The following HM13 variants were observed in gnomAD, a reference collection of about 807,000 sequenced individuals.
The protein encoded by HM13 is signal peptide peptidase.
Under a neutral mutation model 50.0 loss-of-function variants are expected in HM13, and 18 were observed. The ratio of observed to expected loss-of-function variants is 0.36; its 90% CI spans 0.25 to 0.53. The LOEUF is 0.53. Ranked by LOEUF, HM13 falls within the 20% of genes least tolerant of loss-of-function variation. The pLI, the probability that HM13 is intolerant of heterozygous loss-of-function variation, is 0.90. For missense variants in HM13, 393 were observed against 552.4 expected, an observed-to-expected ratio of 0.71 and a Z score of 2.89; for synonymous variants, 197 against 232.6, an observed-to-expected ratio of 0.85 and a Z score of 1.39.
intron 1 of HM13, among the ~76,000 whole-genome samples, chr20:31,523,049 G>A (rs1340395225): frequency 6.7e-6 from 1 of 149,176 alleles, no homozygotes; most frequent in Non-Finnish European, 1.5e-5. Flanking sequence ...TTTTTGGGAG[G>A]GGGGCTTTTT....
In HM13 at chr20:31,527,642, T is replaced by G; in HGVS notation, c.282+60T>G. The G allele has an allele frequency of 1.6e-6, 2 of 1,215,218 alleles. 1 individual carries two copies. The highest frequency in any genetic ancestry group is 2.5e-5 in the South Asian group (2 of 78,620). The allele number at this position is 1,215,218 out of a possible 1,614,324, so 75.3% of individuals were successfully genotyped here. A position where few individuals can be genotyped will look rare whatever the true frequency, so the allele number is the denominator to read the frequency against. On this transcript the variant is annotated intron_variant, in intron 2 of 12. Transcript: ENST00000398174. ...TAAATGACTTTATCTTATTTTGTTT[T>G]ATTTTTCCCATCACAAGAACCATGC...
At chr20:31,521,462 A>G (rs1982153184) in intron 1 of HM13, among the ~76,000 whole-genome samples, 1 of 152,184 alleles carries the variant, frequency 6.6e-6, no homozygotes, top group Non-Finnish European at 1.5e-5. Flanking sequence ...GTGATGGCTC[A>G]CGCCTGTAAT....
At chr20:31,548,443 CT>C in intron 4 of HM13, 1 of 183,396 alleles carries the variant, frequency 5.5e-6, no homozygotes, top group Admixed American at 5.5e-5. Flanking sequence ...CTCTTCCCTT[CT>C]TCATCGCCTG....
intron 8 of HM13, among the ~76,000 whole-genome samples, chr20:31,556,769 C>A (rs951598319): frequency 2.6e-5 from 4 of 151,874 alleles, no homozygotes; most frequent in African/African-American, 9.7e-5. Flanking sequence ...GCCTGTAATC[C>A]CAGCACTTTG....
At chr20:31,529,304 A>G (rs540657088) in intron 2 of HM13, among the ~76,000 whole-genome samples, 1 of 151,602 alleles carries the variant, frequency 6.6e-6, no homozygotes, top group African/African-American at 2.4e-5. Context: ...GGAGTGCCAT[A>G]GTGCAATCAT....
intron 2 of HM13, among the ~76,000 whole-genome samples, chr20:31,529,110 C>T (rs555960954): frequency 2.6e-5 from 4 of 152,096 alleles, no homozygotes; most frequent in Non-Finnish European, 5.9e-5. Flanking sequence ...AGTGGAAAAC[C>T]GACTGATTTT....
intron 8 of HM13, among the ~76,000 whole-genome samples, chr20:31,558,615 C>G (rs34355122): frequency 1.3e-5 from 2 of 152,144 alleles, no homozygotes; most frequent in African/African-American, 4.8e-5. Context: ...CCTGCCCAGC[C>G]TAGGTCTCAT....
intron 1 of HM13, among the ~76,000 whole-genome samples, chr20:31,525,774 AAAAG>A (rs1370503340): frequency 6.6e-6 from 1 of 150,578 alleles, no homozygotes; most frequent in Admixed American, 6.6e-5. Context: ...AAAAAAGAAA[AAAAG>A]AAAAGAAAGA....
At chr20:31,547,805 CTATCAAATTTGTACTCAGT>C in intron 4 of HM13, 2 of 954,596 alleles carry the variant, frequency 2.1e-6, no homozygotes, top group South Asian at 2.6e-5. Context: ...GATAAAGGAG[CTATCAAATTTGTACTCAGT>C]GGCGCAAATA....
At position 31,549,351 on chromosome 20, in the gene HM13, C is replaced by T. The variant is rs1238350689; in HGVS notation, c.666+19C>T. 6.2e-7 allele frequency: 1 copy of T among 1,613,904 alleles called. No homozygotes were observed. The highest frequency in any genetic ancestry group is 1.1e-5 in the South Asian group (1 of 91,084). On this transcript the variant is annotated intron_variant, in intron 6 of 12. Transcript: ENST00000398174. The stretch of plus-strand genomic sequence containing the variant: ...CTTCTGGGTGAGTCAGGCAGGGATG[C>T]CAAGGATGTCTGGCTCCGGGGCCAT...
At chr20:31,547,346 C>T (rs931009712) in intron 4 of HM13, 2 of 323,388 alleles carry the variant, frequency 6.2e-6, no homozygotes, top group Admixed American at 5.2e-5. Context: ...TTCACCGGGC[C>T]GTAAAGCGCG....
rs773398045 is a variant in HM13, at chr20:31,561,771, T to C, written c.948+35T>C. 5.8e-6 allele frequency: 8 copies of C among 1,380,352 alleles called. No individual in the cohort carries two copies. In the South Asian group the frequency reaches 9.3e-5, roughly 16 times the overall value. 85.5% of individuals were successfully genotyped at this position (1,380,352 alleles called of 1,614,324 possible). A position where few individuals can be genotyped will look rare whatever the true frequency, so the allele number is the denominator to read the frequency against. On this transcript the variant is annotated intron_variant, in intron 10 of 12. Transcript: ENST00000398174. Reference sequence around the variant, plus strand: ...ACGGTATCAGAGTGTCAGGAATGCCTCACTGCAAATAGAGGGACTTACAGA... The same window carrying C: ...ACGGTATCAGAGTGTCAGGAATGCCCCACTGCAAATAGAGGGACTTACAGA...
chr20:31,545,914 C>T (rs1983685684), intron 4 of HM13, among the ~76,000 whole-genome samples: 3 of 152,048 alleles, frequency 2.0e-5, no homozygotes. Context: ...CCAGGCTGGT[C>T]TCAAACTCCT....
intron 1 of HM13, among the ~76,000 whole-genome samples, chr20:31,521,085 T>C (rs1982131446): frequency 6.6e-6 from 1 of 152,258 alleles, no homozygotes; most frequent in African/African-American, 2.4e-5. Context: ...ATCTATTGTA[T>C]TTACATACAC....
At chr20:31,550,279 C>T (rs1983972774) in intron 7 of HM13, 158 bp downstream of exon 7, 6 of 648,972 alleles carry the variant, frequency 9.2e-6, no homozygotes, top group Non-Finnish European at 1.1e-5. Context: ...ATTGATTCAT[C>T]TGGCTGTGTT....
intron 1 of HM13, among the ~76,000 whole-genome samples, chr20:31,520,774 G>A (rs1982109685): frequency 6.6e-6 from 1 of 152,204 alleles, no homozygotes; most frequent in Admixed American, 6.5e-5. Context: ...AGTTAGGAAA[G>A]GTAACCTTGG....
chr20:31,550,694 T>G (rs1219057551), intron 7 of HM13, among the ~76,000 whole-genome samples: 1 of 152,192 alleles, frequency 6.6e-6, no homozygotes, highest in Non-Finnish European at 1.5e-5. Context: ...TGAACTGTGT[T>G]TCATGCAGGA....
At chr20:31,556,145 T>C (rs967227201) in intron 8 of HM13, among the ~76,000 whole-genome samples, 1 of 151,750 alleles carries the variant, frequency 6.6e-6, no homozygotes, top group Admixed American at 6.6e-5. Flanking sequence ...GATTCTCGAT[T>C]CTCCTGCCTC....
chr20:31,539,202 A>C, intron 3 of HM13: 25 of 985,440 alleles, frequency 2.5e-5, no homozygotes, highest in Non-Finnish European at 2.8e-5. Context: ...ATGTATTACA[A>C]ACAGTTGGCA....
Sources: gnomAD v4.1 joint callset for allele counts (sites outside exome capture counted in the v4.1 genomes callset) on GRCh38, gnomAD v4.1.1 for gene constraint, MANE v1.5 for transcripts, NCBI Gene and HGNC (gene_info 2026-07-23, HGNC 2026-07-21) for gene names.